Variants in PIEZO1 observed in about 807,000 individuals in gnomAD.
PIEZO1 encodes piezo type mechanosensitive ion channel component 1 (Er blood group).
Under a neutral mutation model 297.2 loss-of-function variants are expected in PIEZO1, and 296 were observed. That is an observed-to-expected ratio of 1.00 (90% CI 0.91 to 1.10). The LOEUF is 1.10. Ranked by LOEUF, PIEZO1 falls within the 50% of genes least tolerant of loss-of-function variation. PIEZO1 has a pLI of 0.00. For synonymous variants in PIEZO1, 2,427 were observed against 1,507.5 expected (o/e 1.61, Z -14.13); for missense variants, 5,018 against 3,455.5 (o/e 1.45, Z -11.34).
chr16:88,748,493 C>G (rs201165772), intron 2 of PIEZO1, among the ~76,000 whole-genome samples: 39,358 of 126,932 alleles, frequency 0.31, 5,753 homozygotes, highest in East Asian at 0.6. Context: ...TCAGCTCCCC[C>G]CCCCCCCCGC....
intron 1 of PIEZO1, among the ~76,000 whole-genome samples, chr16:88,779,844 G>A (rs1180631754): frequency 6.6e-6 from 1 of 152,238 alleles, no homozygotes; most frequent in African/African-American, 2.4e-5. Flanking sequence ...AGCGCAGCTG[G>A]GAAAGCCTGT....
intron 3 of PIEZO1, 45 bp from the exon 4 acceptor site, chr16:88,742,140 A>G (rs1264290779): frequency 2.0e-6 from 3 of 1,533,642 alleles, no homozygotes; most frequent in Non-Finnish European, 1.7e-6. Context: ...CTGCCCAGCC[A>G]GCACCGTGGC....
intron 1 of PIEZO1, among the ~76,000 whole-genome samples, chr16:88,763,107 C>T (rs1278609141): frequency 2.0e-5 from 3 of 152,326 alleles, no homozygotes; most frequent in East Asian, 1.9e-4. Flanking sequence ...AGACACCTGG[C>T]GTTCCAGGTC....
At position 88,723,985 on chromosome 16, in the gene PIEZO1, G is replaced by A; in HGVS notation, c.4235-14C>T. The A allele has an allele frequency of 1.4e-6, 2 of 1,462,210 alleles. No individual in the cohort carries two copies. The highest frequency in any genetic ancestry group is 9.4e-7 in the Non-Finnish European group (1 of 1,066,788). The allele number at this position is 1,462,210 out of a possible 1,614,324, so 90.6% of individuals were successfully genotyped here. A position where few individuals can be genotyped will look rare whatever the true frequency, so the allele number is the denominator to read the frequency against. Reference sequence around the variant, plus strand: ...CGGAGTGGATGACTGTGGGCAGGCAGCACTGAGAGCCAGCCTTCCATGCAG... The same window carrying A: ...CGGAGTGGATGACTGTGGGCAGGCAACACTGAGAGCCAGCCTTCCATGCAG... On this transcript the variant is annotated splice_polypyrimidine_tract_variant and intron_variant, in intron 30 of 50. Coordinates refer to ENST00000301015, the MANE Select transcript of PIEZO1 (RefSeq NM_001142864.4).
intron 1 of PIEZO1, among the ~76,000 whole-genome samples, chr16:88,782,839 C>A (rs1161266333): frequency 1.0e-5 from 1 of 95,586 alleles, no homozygotes; most frequent in Non-Finnish European, 2.4e-5. Flanking sequence ...TCAGGAGTCC[C>A]GGCCAGCAGG....
At chr16:88,756,368 C>A (rs1906654882) in intron 1 of PIEZO1, among the ~76,000 whole-genome samples, 1 of 152,154 alleles carries the variant, frequency 6.6e-6, no homozygotes. Context: ...AATGGCCGCA[C>A]TGGCCACTGA....
rs971007674 is a variant in PIEZO1, at chr16:88,732,541, G to A, written c.2791-6C>T. ...AGCAGCACTTGCAGGTGGTTCTGCG[G>A]AGGGCAAGGGTCAGGGGGCAGCCGG... On this transcript the variant is annotated splice_region_variant and splice_polypyrimidine_tract_variant and intron_variant, in intron 20 of 50. Transcript: ENST00000301015. 5 of 1,544,972 alleles carry A rather than the reference G, an allele frequency of 3.2e-6. No homozygotes were observed. The African/African-American group carries it at 4.1e-5, about 13-fold the overall frequency.
intron 1 of PIEZO1, among the ~76,000 whole-genome samples, chr16:88,776,876 C>T (rs934057996): frequency 5.3e-5 from 8 of 152,234 alleles, no homozygotes; most frequent in Non-Finnish European, 7.3e-5. Flanking sequence ...AATGTGTGTG[C>T]TCATTCCCCG....
rs1285677237 is a variant in PIEZO1 at position 88,719,888 on chromosome 16, G to A, written c.6237C>T (p.Tyr2079=). 4.5e-6 allele frequency: 7 copies of A among 1,550,550 alleles called. No individual in the cohort carries two copies. The highest frequency in any genetic ancestry group is 2.0e-5 in the Admixed American group (1 of 51,016). ...GGGTGGGGTAGCCGCAGCGGATCTG[G>A]TAGGCGGACAGGGCGAAGTAGATGC... ...VKCIYFALSA[Y]QIRCGYPTRI... Residue 2079 remains tyrosine, a synonymous_variant, in exon 43 of 51, where the codon TAC becomes TAT. Coordinates refer to ENST00000301015, the MANE Select transcript of PIEZO1 (RefSeq NM_001142864.4).
intron 1 of PIEZO1, among the ~76,000 whole-genome samples, chr16:88,761,451 G>A (rs1178213543): frequency 1.3e-5 from 2 of 152,208 alleles, no homozygotes; most frequent in Non-Finnish European, 2.9e-5. Context: ...AGGCCCAGCG[G>A]CACGGCCCGA....
At position 88,734,415 on chromosome 16, in the gene PIEZO1, C is replaced by T. The variant is rs577095544; in HGVS notation, c.2121G>A (p.Gln707=). The change falls in exon 16 of 51, where the codon CAG becomes CAA. Residue 707 remains glutamine (Q), a synonymous_variant. Transcript: ENST00000301015. ...QLHYFHRPFM[Q]LTDMEHVSLP... ...GGGACACGTGCTCCATGTCGGTGAG[C>T]TGCATGAAGGGCCTGTGGAAGTAGT... 4 of 1,549,726 alleles carry T rather than the reference C, an allele frequency of 2.6e-6. No individual in the cohort carries two copies. The South Asian group carries it at 3.6e-5, about 14-fold the overall frequency.
In PIEZO1 at chr16:88,765,668, ATTTTTTT is replaced by A. The variant is rs397966717; in HGVS notation, c.65-16196_65-16190del. 4.6e-5 allele frequency among the ~76,000 whole-genome samples: 6 copies of A among 131,738 alleles called. No individual in the cohort carries two copies. The South Asian group carries it at 9.7e-4, about 21-fold the overall frequency. 86.4% of individuals were successfully genotyped at this position (131,738 alleles called of 152,430 possible). ...TAGAGAGCCCAAGTCGTTATCTCTAATTTTTTTTTTTTTTTTTTTTGAGACAGAGTCT... is the reference window on the plus strand; with the variant it reads ...TAGAGAGCCCAAGTCGTTATCTCTAATTTTTTTTTTTTTGAGACAGAGTCT... On this transcript the variant is annotated intron_variant, in intron 1 of 50. Coordinates refer to ENST00000301015, the MANE Select transcript of PIEZO1 (RefSeq NM_001142864.4).
intron 1 of PIEZO1, among the ~76,000 whole-genome samples, chr16:88,755,668 G>A (rs1459672447): frequency 6.6e-6 from 1 of 152,186 alleles, no homozygotes; most frequent in Non-Finnish European, 1.5e-5. Context: ...GGGTTGCTTT[G>A]CTTATACCGC....
chr16:88,736,922 G>A (rs1005770228), intron 10 of PIEZO1, 183 bp from the exon 11 acceptor site: 5 of 497,008 alleles, frequency 1.0e-5, no homozygotes, highest in Non-Finnish European at 1.8e-5. Context: ...GTCAGGGATG[G>A]CCCTGCCAGC....
At chr16:88,749,162 C>T (rs1906245202) in intron 2 of PIEZO1, among the ~76,000 whole-genome samples, 1 of 151,986 alleles carries the variant, frequency 6.6e-6, no homozygotes, top group African/African-American at 2.4e-5. Flanking sequence ...ATGGCGTGAA[C>T]CTGGGAGGCG....
At chr16:88,783,041 TACAG>T (rs759228861) in intron 1 of PIEZO1, among the ~76,000 whole-genome samples, 63 of 152,354 alleles carry the variant, frequency 4.1e-4, no homozygotes, top group South Asian at 8.3e-4. Flanking sequence ...GAAAGTACCA[TACAG>T]ACAGACAGTC....
chr16:88,726,142 C>A, intron 27 of PIEZO1, 142 bp downstream of exon 27: 1 of 680,912 alleles, frequency 1.5e-6, no homozygotes, highest in Admixed American at 3.0e-5. Context: ...GGCCTTCATT[C>A]TCCCTCTAGA....
rs78683248 is a variant in PIEZO1, at chr16:88,724,974, G to C, written c.4234+35C>G. The C allele has an allele frequency of 1.3e-3, 1,765 of 1,357,698 alleles. 21 individuals carry two copies. In the Admixed American group the frequency reaches 0.019, roughly 15 times the overall value. 84.1% of individuals were successfully genotyped at this position (1,357,698 alleles called of 1,614,324 possible). ...GGACAGATGGGGGCACAGAGGGCCTGAGAGGGTGGCCACAGGCGGCCTAAT... is the reference window on the plus strand; with the variant it reads ...GGACAGATGGGGGCACAGAGGGCCTCAGAGGGTGGCCACAGGCGGCCTAAT... On this transcript the variant is annotated intron_variant, in intron 30 of 50. Coordinates refer to ENST00000301015, the MANE Select transcript of PIEZO1 (RefSeq NM_001142864.4).
chr16:88,726,776 A>G lies in PIEZO1; in HGVS notation c.3638T>C (p.Val1213Ala). The G allele has an allele frequency of 6.5e-7, 1 of 1,550,184 alleles. No homozygotes were observed. The highest frequency in any genetic ancestry group is 8.7e-7 in the Non-Finnish European group (1 of 1,146,860). ...GTACAGAATGAGGCAGTCCCACAGC[A>G]CGAGGCGGGCCCGTGTGTCCCTCTG... The part of the protein sequence containing the change: ...LLQRDTRARL[V>A]LWDCLILYNV... Residue 1213 changes from valine to alanine, a missense_variant, in exon 25 of 51, where the codon GTG becomes GCG. Transcript: ENST00000301015.
Sources: allele counts gnomAD v4.1 joint callset (sites outside exome capture counted in the v4.1 genomes callset), GRCh38; gene constraint gnomAD v4.1.1; transcripts MANE v1.5; gene names NCBI Gene and HGNC (gene_info 2026-07-23, HGNC 2026-07-21).